Variants in STXBP3 observed in about 807,000 individuals in gnomAD.
STXBP3 encodes the protein syntaxin-binding protein 3.
In STXBP3, 41 loss-of-function variants were observed where a neutral mutation model predicts 85.7. The ratio of observed to expected loss-of-function variants is 0.48; its 90% CI spans 0.37 to 0.62. The LOEUF is 0.62. Ranked by LOEUF, STXBP3 falls within the 20% of genes least tolerant of loss-of-function variation. The probability of loss-of-function intolerance (pLI) is 0.00; values close to 1 mark genes in which losing one functional copy is unlikely to be tolerated. For synonymous variants in STXBP3, 229 were observed against 231.7 expected (o/e 0.99, Z 0.10); for missense variants, 563 against 703.1 (o/e 0.80, Z 2.25).
chr1:108,795,248 G>C (rs1242834242), intron 13 of STXBP3, among the ~76,000 whole-genome samples: 3 of 152,016 alleles, frequency 2.0e-5, no homozygotes, highest in Non-Finnish European at 4.4e-5. Context: ...ATTTTACAAG[G>C]GGCCTTTTAT....
At chr1:108,788,649 T>C (rs766328728) in intron 11 of STXBP3, among the ~76,000 whole-genome samples, 4 of 152,240 alleles carry the variant, frequency 2.6e-5, no homozygotes, top group Non-Finnish European at 5.9e-5. Context: ...AGGGAATTTG[T>C]CTATTATATC....
rs773382136 is a variant in STXBP3, at chr1:108,779,422, TTGAAGGGCATA to T, written c.809+14_809+24del. 1.9e-5 allele frequency: 30 copies of T among 1,607,084 alleles called. No homozygotes were observed. Among genetic ancestry groups the T allele is most frequent in the Non-Finnish European group, 2.5e-5 (29 of 1,176,470 alleles). ...AATGATACATACAAGCAAGTATAACTTGAAGGGCATATAAAGGGCATATACAAACAGGATAG... is the reference window on the plus strand; with the variant it reads ...AATGATACATACAAGCAAGTATAACTTAAAGGGCATATACAAACAGGATAG... On this transcript the variant is annotated intron_variant, in intron 9 of 18. Transcript: ENST00000370008.
At chr1:108,803,563 A>T (rs932941624) in intron 17 of STXBP3, among the ~76,000 whole-genome samples, 4 of 152,114 alleles carry the variant, frequency 2.6e-5, no homozygotes, top group Non-Finnish European at 4.4e-5. Context: ...ATCTCGGCTC[A>T]CTACAACCTG....
intron 8 of STXBP3, 110 bp downstream of exon 8, chr1:108,776,533 A>T (rs1460770611): frequency 1.5e-6 from 1 of 683,250 alleles, no homozygotes; most frequent in Non-Finnish European, 2.4e-6. Context: ...AGTCATTAAC[A>T]TAGATCTCCA....
intron 7 of STXBP3, among the ~76,000 whole-genome samples, chr1:108,775,920 AACACACACACACACAC>A (rs59575550): frequency 4.0e-5 from 6 of 149,924 alleles, no homozygotes; most frequent in Admixed American, 2.0e-4. Flanking sequence ...ATAAATCTCA[AACACACACACACACAC>A]ACACACACAC....
At chr1:108,762,197 G>C (rs914663957) in intron 6 of STXBP3, among the ~76,000 whole-genome samples, 2 of 152,124 alleles carry the variant, frequency 1.3e-5, no homozygotes, top group East Asian at 3.9e-4. Context: ...CAAGATATAT[G>C]TCCTACCCTC....
At chr1:108,766,556 T>C (rs958502332) in intron 6 of STXBP3, among the ~76,000 whole-genome samples, 2 of 152,300 alleles carry the variant, frequency 1.3e-5, no homozygotes, top group African/African-American at 4.8e-5. Flanking sequence ...TTTTAAAATC[T>C]TCAGTCACAG....
intron 7 of STXBP3, among the ~76,000 whole-genome samples, chr1:108,774,288 G>A (rs897242661): frequency 6.6e-5 from 10 of 150,862 alleles, no homozygotes; most frequent in African/African-American, 2.2e-4. Context: ...ATATACAGTT[G>A]TTTTTAGAAT....
At chr1:108,803,730 C>T (rs949526481) in intron 17 of STXBP3, among the ~76,000 whole-genome samples, 18 of 152,284 alleles carry the variant, frequency 1.2e-4, no homozygotes, top group African/African-American at 4.1e-4. Context: ...CTTTGATCTA[C>T]GCACCTCGGC....
At chr1:108,787,321 C>T (rs993005722) in intron 11 of STXBP3, among the ~76,000 whole-genome samples, 1 of 152,110 alleles carries the variant, frequency 6.6e-6, no homozygotes, top group African/African-American at 2.4e-5. Context: ...AATTTAGTGT[C>T]TTCCTTTCTA....
intron 9 of STXBP3, chr1:108,779,788 G>A (rs1662678419): frequency 2.0e-5 from 3 of 153,544 alleles, no homozygotes; most frequent in South Asian, 2.1e-4. Context: ...ATTCAAAAGT[G>A]TATGTGTCTT....
At chr1:108,808,401 C>CT (rs564533345) in intron 18 of STXBP3, among the ~76,000 whole-genome samples, 13 of 152,316 alleles carry the variant, frequency 8.5e-5, no homozygotes, top group Non-Finnish European at 1.6e-4. Context: ...GTAAACTCTC[C>CT]TGACCCATGG....
rs1662256177 is a variant in STXBP3 at position 108,765,930 on chromosome 1, T to C, written c.438+5845T>C. On this transcript the variant is annotated intron_variant, in intron 6 of 18. Transcript: ENST00000370008. ...TGCAGTGGTGCGATCTTGGCTCACT[T>C]CAGCCTCTGTCTACTGGGCTCAAGC... is the stretch of plus-strand genomic sequence containing the variant. Among the ~76,000 whole-genome samples, 3 of 150,144 alleles carry C rather than the reference T, an allele frequency of 2.0e-5. No homozygotes were observed. The South Asian group carries it at 6.4e-4, about 32-fold the overall frequency.
At position 108,797,331 on chromosome 1, in the gene STXBP3, C is replaced by G. The variant is rs903052403; in HGVS notation, c.1356+605C>G. Among the ~76,000 whole-genome samples the G allele has an allele frequency of 4.5e-5, 6 of 133,930 alleles. No homozygotes were observed. The South Asian group carries it at 1.5e-3, about 34-fold the overall frequency. 87.9% of individuals were successfully genotyped at this position (133,930 alleles called of 152,430 possible). ...CACTGTACTCCAGCACAAAGTGAGA[C>G]TCTGTCTCAAAAAAAAAAACAAAAA... On this transcript the variant is annotated intron_variant, in intron 15 of 18. Transcript: ENST00000370008.
chr1:108,806,685 A>G (rs6680575), intron 17 of STXBP3, among the ~76,000 whole-genome samples: 57,844 of 151,912 alleles, frequency 0.38, 11,531 homozygotes, highest in Middle Eastern at 0.47. Flanking sequence ...ACCTAATACT[A>G]TATCAGCTCC....
At chr1:108,752,146 A>G (rs1661918656) in intron 1 of STXBP3, 111 bp from the exon 2 acceptor site, 1 of 917,206 alleles carries the variant, frequency 1.1e-6, no homozygotes, top group Non-Finnish European at 1.7e-6. Context: ...TATGCTTTTT[A>G]TGTAGTTTAA....
intron 6 of STXBP3, among the ~76,000 whole-genome samples, chr1:108,763,186 C>T (rs1361232164): frequency 6.6e-6 from 1 of 152,208 alleles, no homozygotes; most frequent in Non-Finnish European, 1.5e-5. Context: ...AACTTGGAGA[C>T]ATAGCTATAT....
chr1:108,760,830 T>G (rs1662124302), intron 6 of STXBP3, among the ~76,000 whole-genome samples: 2 of 152,318 alleles, frequency 1.3e-5, no homozygotes, highest in Non-Finnish European at 1.5e-5. Context: ...GATCAATATT[T>G]TAAGGGATAG....
intron 1 of STXBP3, among the ~76,000 whole-genome samples, chr1:108,750,046 G>A (rs1661868745): frequency 6.6e-6 from 1 of 152,022 alleles, no homozygotes; most frequent in Non-Finnish European, 1.5e-5. Flanking sequence ...GATATGGCTG[G>A]TTTCCACCAT....
Sources: gnomAD v4.1 joint callset for allele counts (sites outside exome capture counted in the v4.1 genomes callset) on GRCh38, gnomAD v4.1.1 for gene constraint, MANE v1.5 for transcripts, NCBI Gene and HGNC (gene_info 2026-07-23, HGNC 2026-07-21) for gene names.